CCDC180: variants seen among roughly 807,000 people sequenced by gnomAD.
CCDC180 encodes coiled-coil domain-containing protein 180.
CCDC180 carries 154 observed loss-of-function variants against 209.2 expected under a neutral mutation model. That is an observed-to-expected ratio of 0.74 (90% CI 0.65 to 0.84). The LOEUF is 0.84. Among genes scored for constraint, CCDC180 ranks in the 40% least tolerant of loss-of-function variants. The pLI is 0.00. For synonymous variants in CCDC180, 778 were observed against 749.1 expected (o/e 1.04, Z -0.63); for missense variants, 1,874 against 1,997.3 (o/e 0.94, Z 1.18).
At chr9:97,331,714 CTGTT>C (rs34478506) in intron 18 of CCDC180, among the ~76,000 whole-genome samples, 44,666 of 151,906 alleles carry the variant, frequency 0.29, 7,167 homozygotes, top group African/African-American at 0.41. Context: ...TGAAAAGTGT[CTGTT>C]TGTGTCCTTT....
rs927264445 is a variant in CCDC180, at chr9:97,320,159, G to T, written c.1113G>T (p.Gln371His). 6.2e-7 allele frequency: 1 copy of T among 1,614,182 alleles called. No homozygotes were observed. The highest frequency in any genetic ancestry group is 1.1e-5 in the South Asian group (1 of 91,076). ...TGCCCCCCAGTTACAGCAAAACTCA[G>T]CTGACTGAGTGGCATTCTTCCCTCA... ...DLLPPSYSKT[Q>H]LTEWHSSLNS... Residue 371 changes from glutamine (Q) to histidine (H), a missense_variant, in exon 11 of 37, where the codon CAG becomes CAT. Transcript: ENST00000529487.
chr9:97,357,765 A>G (rs1826623824), intron 25 of CCDC180, 40 bp downstream of exon 25: 1 of 1,415,012 alleles, frequency 7.1e-7, no homozygotes. Flanking sequence ...TAATAAAGAT[A>G]TATCATGCTA....
At chr9:97,328,620 G>C (rs1439912281) in intron 16 of CCDC180, among the ~76,000 whole-genome samples, 2 of 151,954 alleles carry the variant, frequency 1.3e-5, no homozygotes, top group African/African-American at 4.8e-5. Flanking sequence ...CCTCCTGCCT[G>C]CTGCCCTTCC....
At chr9:97,332,095 C>T (rs1292166895) in intron 18 of CCDC180, among the ~76,000 whole-genome samples, 1 of 152,092 alleles carries the variant, frequency 6.6e-6, no homozygotes, top group Non-Finnish European at 1.5e-5. Context: ...GGTAGGGGTC[C>T]AGTTTCAATC....
chr9:97,324,503 A>G (rs950051185), intron 13 of CCDC180, among the ~76,000 whole-genome samples: 9 of 152,236 alleles, frequency 5.9e-5, no homozygotes, highest in South Asian at 2.1e-4. Flanking sequence ...CCAAACAAAA[A>G]CAGGTAGAGG....
Position 97,312,156 on chromosome 9 carries a change from A to G in CCDC180, c.304A>G (p.Asn102Asp), listed in dbSNP as rs200230721. 6.2e-7 allele frequency: 1 copy of G among 1,614,160 alleles called. No individual in the cohort carries two copies. Among genetic ancestry groups the G allele is most frequent in the Non-Finnish European group, 8.5e-7 (1 of 1,179,992 alleles). Residue 102 changes from asparagine (N) to aspartate (D), a missense_variant, in exon 4 of 37, where the codon AAC becomes GAC. Asn to Asp is a conservative substitution (Grantham distance 23). Transcript: ENST00000529487. ...AKREKARESE[N>D]TIAAREVRGL... ...GAGGGAAAAAGCCCGAGAGAGTGAG[A>G]ACACCATCGCTGCCCGAGAAGTGCG...
chr9:97,366,160 C>G lies in CCDC180; in HGVS notation c.4048-399C>G. The stretch of plus-strand genomic sequence containing the variant: ...AGTGCGAGTGCCTTCTCCTGTCTGC[C>G]TCCCACGGGTCTGTCTGCCTCCTTC... On this transcript the variant is annotated intron_variant, in intron 30 of 36. Coordinates refer to ENST00000529487, the MANE Select transcript of CCDC180 (RefSeq NM_020893.6). The surrounding 1 kb of genome is among the most constrained non-coding windows in gnomAD (Gnocchi z 4.3). Among the ~76,000 whole-genome samples the G allele has an allele frequency of 6.6e-6, 1 of 152,236 alleles. No homozygotes were observed. Among genetic ancestry groups the G allele is most frequent in the Non-Finnish European group, 1.5e-5 (1 of 68,034 alleles).
intron 27 of CCDC180, 145 bp downstream of exon 27, chr9:97,362,043 C>G: frequency 7.3e-7 from 1 of 1,365,236 alleles, no homozygotes; most frequent in Non-Finnish European, 1.0e-6. Flanking sequence ...AAGGGCTTCC[C>G]CACCCAGAGC....
chr9:97,352,516 G>A (rs921762929), intron 22 of CCDC180, among the ~76,000 whole-genome samples: 1 of 152,116 alleles, frequency 6.6e-6, no homozygotes, highest in Non-Finnish European at 1.5e-5. Flanking sequence ...AGGTAGACAG[G>A]TGAACTTTAG....
chr9:97,344,717 A>G (rs1416508247), intron 19 of CCDC180, among the ~76,000 whole-genome samples: 1 of 152,168 alleles, frequency 6.6e-6, no homozygotes, highest in Non-Finnish European at 1.5e-5. Context: ...ACCAGAAAAA[A>G]AATTATCTGT....
intron 5 of CCDC180, among the ~76,000 whole-genome samples, chr9:97,313,611 C>T (rs1227082055): frequency 6.6e-6 from 1 of 152,226 alleles, no homozygotes; most frequent in Non-Finnish European, 1.5e-5. Flanking sequence ...TCTCACCTGA[C>T]TTGGTGCATA....
intron 34 of CCDC180, 34 bp downstream of exon 34, chr9:97,371,740 T>TG (rs761823951): frequency 2.1e-6 from 3 of 1,447,974 alleles, no homozygotes; most frequent in Non-Finnish European, 2.9e-6. Context: ...GTCATGGCCC[T>TG]GGGGGGCTGG....
rs773614646 is a variant in CCDC180, at chr9:97,370,743, G to A, written c.4453G>A (p.Asp1485Asn). Residue 1485 changes from aspartate to asparagine, a missense_variant, in exon 33 of 37, where the codon GAC becomes AAC. Coordinates refer to ENST00000529487, the MANE Select transcript of CCDC180 (RefSeq NM_020893.6). ...TGAAGAGGAAAGGCAGGAAGAGCTG[G>A]ACAGCATGATTAGGATGAACAAGGA... ...LSEEERQEEL[D>N]SMIRMNKEKL... 6.2e-7 allele frequency: 1 copy of A among 1,614,118 alleles called. No homozygotes were observed. The highest frequency in any genetic ancestry group is 1.3e-5 in the African/African-American group (1 of 75,044).
At chr9:97,336,166 A>AT (rs1489484542) in intron 18 of CCDC180, among the ~76,000 whole-genome samples, 3 of 152,156 alleles carry the variant, frequency 2.0e-5, no homozygotes, top group Non-Finnish European at 4.4e-5. Flanking sequence ...CTTTAGTTTG[A>AT]TTAGATCCCA....
chr9:97,333,314 T>C (rs1016377764), intron 18 of CCDC180, among the ~76,000 whole-genome samples: 14 of 152,324 alleles, frequency 9.2e-5, no homozygotes, highest in African/African-American at 3.4e-4. Flanking sequence ...TCAAGGATAT[T>C]GGCCTGAAAT....
intron 18 of CCDC180, among the ~76,000 whole-genome samples, chr9:97,340,718 C>G (rs1826051914): frequency 6.6e-6 from 1 of 152,188 alleles, no homozygotes; most frequent in African/African-American, 2.4e-5. Context: ...GGGAAGACGC[C>G]TGTTGCCAGG....
intron 27 of CCDC180, 108 bp from the exon 28 acceptor site, chr9:97,362,088 G>A: frequency 6.8e-7 from 1 of 1,473,260 alleles, no homozygotes; most frequent in East Asian, 2.3e-5. Context: ...CTCGTGACAG[G>A]ACTGACTGAC....
intron 2 of CCDC180, among the ~76,000 whole-genome samples, chr9:97,309,197 G>A (rs2118504860): frequency 6.6e-6 from 1 of 152,264 alleles, no homozygotes; most frequent in African/African-American, 2.4e-5. Flanking sequence ...TTCATTTAAG[G>A]TTCTTAGAAA....
At chr9:97,316,092 G>A (rs1833163640) in intron 8 of CCDC180, among the ~76,000 whole-genome samples, 1 of 152,164 alleles carries the variant, frequency 6.6e-6, no homozygotes, top group Admixed American at 6.5e-5. Context: ...AGATCAGCGA[G>A]GGCTCCTAAG....
Sources: gnomAD v4.1 joint callset for allele counts (sites outside exome capture counted in the v4.1 genomes callset) on GRCh38, gnomAD v4.1.1 for gene constraint, Gnocchi (gnomAD v3.1) non-coding constraint, MANE v1.5 for transcripts, NCBI Gene and HGNC (gene_info 2026-07-23, HGNC 2026-07-21) for gene names.